UBAP2: variants seen among roughly 807,000 people sequenced by gnomAD.
UBAP2 encodes the protein ubiquitin-associated protein 2.
Under a neutral mutation model 139.6 loss-of-function variants are expected in UBAP2, and 75 were observed. That is an observed-to-expected ratio of 0.54 (90% CI 0.45 to 0.65). The LOEUF (loss-of-function observed/expected upper bound fraction) is 0.65, where lower values mean the gene tolerates loss of function less well. Among genes scored for constraint, UBAP2 ranks in the 30% least tolerant of loss-of-function variants. The pLI is 0.00. For missense variants in UBAP2, 1,368 were observed against 1,369.6 expected (o/e 1.00, Z 0.02); for synonymous variants, 526 against 526.2 (o/e 1.00, Z 0.01).
chr9:33,941,941 C>G, intron 15 of UBAP2, 79 bp from the exon 16 acceptor site: 1 of 975,718 alleles, frequency 1.0e-6, no homozygotes, highest in South Asian at 1.5e-5. Context: ...TAAACAGCTT[C>G]ACGAGATGCA....
chr9:34,022,432 C>T (rs970332680), intron 1 of UBAP2, among the ~76,000 whole-genome samples: 1 of 114,216 alleles, frequency 8.8e-6, no homozygotes, highest in Non-Finnish European at 1.8e-5. Flanking sequence ...CAGCAAGACC[C>T]CTTTTTTTTT....
At position 33,923,959 on chromosome 9, in the gene UBAP2, C is replaced by T. The variant is rs747400367; in HGVS notation, c.2632G>A (p.Ala878Thr). 6.2e-7 allele frequency: 1 copy of T among 1,614,052 alleles called. No individual in the cohort carries two copies. The highest frequency in any genetic ancestry group is 8.5e-7 in the Non-Finnish European group (1 of 1,180,024). The part of the protein sequence containing the change: ...KFGRGDSASP[A>T]PATTPAQPQQ... ...GGCTGAGCTGGTGTGGTAGCGGGTG[C>T]AGGGGATGCAGAGTCCCCACGGCCA... Residue 878 changes from alanine to threonine, a missense_variant, in exon 24 of 29, where the codon GCA (alanine) becomes ACA (threonine). Coordinates refer to ENST00000379238, the MANE Select transcript of UBAP2 (RefSeq NM_001370062.2).
At chr9:33,960,798 A>C (rs1158638782) in intron 10 of UBAP2, 28 bp downstream of exon 10, 1 of 1,589,954 alleles carries the variant, frequency 6.3e-7, no homozygotes, top group Admixed American at 1.8e-5. Context: ...AAAAAAAAGA[A>C]AGGTCTCATC....
intron 1 of UBAP2, among the ~76,000 whole-genome samples, chr9:34,022,666 T>C (rs1173958027): frequency 2.0e-5 from 3 of 151,808 alleles, no homozygotes; most frequent in African/African-American, 7.3e-5. Flanking sequence ...CTTGAACTCC[T>C]GACCTCAAGT....
chr9:34,039,266 G>T (rs561917514), intron 1 of UBAP2, among the ~76,000 whole-genome samples: 1 of 144,474 alleles, frequency 6.9e-6, no homozygotes, highest in Admixed American at 6.9e-5. Flanking sequence ...CGCCCCGTCC[G>T]AGAGGTGGGG....
In UBAP2 at chr9:33,922,831, G is replaced by A; in HGVS notation, c.3120C>T (p.Ser1040=). 1 of 1,576,694 alleles carries A rather than the reference G, an allele frequency of 6.3e-7. No homozygotes were observed. Among genetic ancestry groups the A allele is most frequent in the African/African-American group, 1.3e-5 (1 of 74,180 alleles). The change falls in exon 28 of 29, where the codon AGC becomes AGT. Residue 1040 remains serine, a synonymous_variant. Transcript: ENST00000379238. ...CAGTGGAGCCCAAGACCGAGGGCAG[G>A]CTGAAAGGTGGAGGCGTCCCTGCAT... is the stretch of plus-strand genomic sequence containing the variant. The part of the protein sequence containing the change: ...GFHAGTPPPF[S]LPSVLGSTGP...
chr9:33,971,733 A>G lies in UBAP2; in HGVS notation c.597T>C (p.Tyr199=). The change falls in exon 8 of 29, where the codon TAT becomes TAC. Residue 199 remains tyrosine, a synonymous_variant. Transcript: ENST00000379238. Reference sequence around the variant, plus strand: ...ACACATCTGTAGATGTAGAATCTGAATAGTCTGCAGGATTAAATGTCCTGG... The same window carrying G: ...ACACATCTGTAGATGTAGAATCTGAGTAGTCTGCAGGATTAAATGTCCTGG... ...QGMGTFNPAD[Y]SDSTSTDVCG... 6.2e-7 allele frequency: 1 copy of G among 1,609,856 alleles called. No homozygotes were observed. The highest frequency in any genetic ancestry group is 1.1e-5 in the South Asian group (1 of 91,004).
intron 1 of UBAP2, among the ~76,000 whole-genome samples, chr9:34,021,747 T>C (rs867703883): frequency 7.9e-5 from 12 of 151,580 alleles, no homozygotes; most frequent in African/African-American, 2.7e-4. Flanking sequence ...GATTCTCCTG[T>C]CTCAGCCTCC....
intron 12 of UBAP2, among the ~76,000 whole-genome samples, chr9:33,950,360 C>T (rs1327690169): frequency 2.0e-5 from 3 of 152,140 alleles, no homozygotes; most frequent in African/African-American, 4.8e-5. Context: ...CATGAGCCAC[C>T]GTGCCTGGCC....
intron 1 of UBAP2, among the ~76,000 whole-genome samples, chr9:34,031,155 G>A (rs1029138181): frequency 6.6e-6 from 1 of 150,792 alleles, no homozygotes; most frequent in East Asian, 2.0e-4. Context: ...GCACGGACCT[G>A]TAATCCTACT....
At chr9:33,994,929 A>T (rs1822023200) in intron 4 of UBAP2, 1 of 152,224 alleles carries the variant, frequency 6.6e-6, no homozygotes, top group Admixed American at 6.5e-5. Context: ...ATTAAATCTG[A>T]ACACTGACAC....
intron 2 of UBAP2, among the ~76,000 whole-genome samples, chr9:34,001,153 A>C (rs1822667227): frequency 6.6e-6 from 1 of 152,230 alleles, no homozygotes; most frequent in Non-Finnish European, 1.5e-5. Flanking sequence ...CACATTATAC[A>C]TTTGGGTTTG....
At chr9:33,980,192 G>C (rs1820515035) in intron 6 of UBAP2, among the ~76,000 whole-genome samples, 2 of 134,538 alleles carry the variant, frequency 1.5e-5, no homozygotes, top group South Asian at 4.9e-4. Context: ...TAATAATTCT[G>C]CTTTAATCCA....
chr9:34,036,042 T>A (rs1401153337), intron 1 of UBAP2, among the ~76,000 whole-genome samples: 1 of 151,782 alleles, frequency 6.6e-6, no homozygotes, highest in Non-Finnish European at 1.5e-5. Context: ...CAAATTCTAA[T>A]AAAACTAAAC....
intron 2 of UBAP2, among the ~76,000 whole-genome samples, 163 bp from the exon 3 acceptor site, chr9:33,999,027 A>C (rs530240388): frequency 6.6e-6 from 1 of 152,196 alleles, no homozygotes. Context: ...ACCTGTTCCC[A>C]TAGGAAAAAT....
chr9:33,927,717 C>T (rs938994809), intron 20 of UBAP2, 80 bp downstream of exon 20: 9 of 1,468,710 alleles, frequency 6.1e-6, no homozygotes, highest in Non-Finnish European at 6.4e-6. Flanking sequence ...CTCCTGACAC[C>T]TGCACTGCCT....
At chr9:34,014,738 T>C (rs1036524570) in intron 2 of UBAP2, among the ~76,000 whole-genome samples, 1 of 138,978 alleles carries the variant, frequency 7.2e-6, no homozygotes, top group Non-Finnish European at 1.5e-5. Context: ...GAGGTTGGAG[T>C]GAGCCGAGAC....
At chr9:34,039,403 G>C (rs1190759465) in intron 1 of UBAP2, among the ~76,000 whole-genome samples, 2 of 152,178 alleles carry the variant, frequency 1.3e-5, no homozygotes, top group Non-Finnish European at 2.9e-5. Flanking sequence ...CGGTTTTGTC[G>C]AATAGAAAAG....
intron 17 of UBAP2, among the ~76,000 whole-genome samples, chr9:33,935,163 C>CAGGG (rs1310293296): frequency 3.4e-5 from 3 of 87,924 alleles, no homozygotes; most frequent in Non-Finnish European, 4.9e-5. Context: ...TTGGAAGTGG[C>CAGGG]GGGGGGGGGG....
Sources: gnomAD v4.1 joint callset for allele counts (sites outside exome capture counted in the v4.1 genomes callset) on GRCh38, gnomAD v4.1.1 for gene constraint, MANE v1.5 for transcripts, NCBI Gene and HGNC (gene_info 2026-07-23, HGNC 2026-07-21) for gene names.